Variants in SLC6A14 observed in about 807,000 individuals in gnomAD.
SLC6A14 encodes sodium- and chloride-dependent neutral and basic amino acid transporter B(0+).
A neutral mutation model predicts 51.4 loss-of-function variants in SLC6A14; 21 were observed. The ratio of observed to expected loss-of-function variants is 0.41; its 90% CI spans 0.29 to 0.59. The LOEUF (loss-of-function observed/expected upper bound fraction) is 0.59, where lower values mean the gene tolerates loss of function less well. Ranked by LOEUF, SLC6A14 falls within the 20% of genes least tolerant of loss-of-function variation. The pLI is 0.31. For missense variants in SLC6A14, 371 were observed against 472.8 expected (o/e 0.78, Z 2.00); for synonymous variants, 177 against 160.7 (o/e 1.10, Z -0.77).
chrX:116,443,521 C>T, intron 4 of SLC6A14, 122 bp from the exon 5 acceptor site: 1 of 468,396 alleles, frequency 2.1e-6, no homozygotes, highest in Non-Finnish European at 3.4e-6. Flanking sequence ...GATTTCTACT[C>T]CACTTTTTTC....
intron 4 of SLC6A14, among the ~76,000 whole-genome samples, 196 bp from the exon 5 acceptor site, chrX:116,443,447 T>A (rs1602511205): frequency 1.8e-5 from 2 of 111,634 alleles, no homozygotes; most frequent in African/African-American, 6.5e-5. Flanking sequence ...AGTTTTGTAA[T>A]CCCTCCTAGT....
Position 116,459,024 on chromosome X carries a change from T to C in SLC6A14, c.*69T>C, listed in dbSNP as rs1927990572. On this transcript the variant is annotated 3_prime_UTR_variant, in exon 14 of 14. Coordinates refer to ENST00000598581, the MANE Select transcript of SLC6A14 (RefSeq NM_007231.5). The stretch of plus-strand genomic sequence containing the variant: ...TTAGAATAGGGGGAACCTTATTTAT[T>C]TGTGTGTTAACTGAATAGGAAAATG... 2 of 919,609 alleles carry C rather than the reference T, an allele frequency of 2.2e-6. No homozygotes were observed. Among genetic ancestry groups the C allele is most frequent in the South Asian group, 5.4e-5 (2 of 36,963 alleles). 75.8% of individuals were successfully genotyped at this position (919,609 alleles called of 1,213,427 possible).
At chrX:116,452,747 A>G (rs1299637993) in intron 8 of SLC6A14, among the ~76,000 whole-genome samples, 2 of 111,888 alleles carry the variant, frequency 1.8e-5, no homozygotes, top group Non-Finnish European at 3.8e-5. Context: ...TAAAACTATT[A>G]AAAGAATTAA....
intron 3 of SLC6A14, 51 bp from the exon 4 acceptor site, chrX:116,442,636 G>T (rs1271837509): frequency 1.4e-5 from 14 of 992,315 alleles, no homozygotes; most frequent in Non-Finnish European, 1.9e-5. Flanking sequence ...AATTAGCAAA[G>T]TAAATTTTAC....
At chrX:116,457,560 C>G (rs1485223752) in intron 12 of SLC6A14, 49 bp from the exon 13 acceptor site, 1 of 1,053,957 alleles carries the variant, frequency 9.5e-7, no homozygotes, top group Admixed American at 2.3e-5. Context: ...ATCATCAGTG[C>G]AATAAAGTCT....
chrX:116,446,217 T>A (rs782659981), intron 6 of SLC6A14, among the ~76,000 whole-genome samples: 79 of 109,025 alleles, frequency 7.2e-4, no homozygotes, highest in Middle Eastern at 4.7e-3. Flanking sequence ...CTTGTATGTA[T>A]GCTATCAAAC....
Position 116,446,791 on chromosome X carries a change from A to T in SLC6A14, c.840A>T (p.Leu280Phe). 8.3e-7 allele frequency: 1 copy of T among 1,201,447 alleles called. No individual in the cohort carries two copies. Among genetic ancestry groups the T allele is most frequent in the Non-Finnish European group, 1.1e-6 (1 of 886,384 alleles). ...LFPYVVLLIL[L>F]VRGATLEGAS... ...CCTATGTGGTCCTACTCATCCTGTTAGTACGAGGTGCAACTCTGGAGGGTG... is the reference window on the plus strand; with the variant it reads ...CCTATGTGGTCCTACTCATCCTGTTTGTACGAGGTGCAACTCTGGAGGGTG... Residue 280 changes from leucine (L) to phenylalanine (F), a missense_variant, in exon 7 of 14, where the codon TTA (leucine) becomes TTT (phenylalanine). Leu to Phe is a conservative substitution (Grantham distance 22). Around this residue, in one of 2 missense-constraint regions of SLC6A14, gnomAD observed 277 missense variants for 391.8 expected, o/e 0.71. Transcript: ENST00000598581.
intron 11 of SLC6A14, 55 bp from the exon 12 acceptor site, chrX:116,455,302 T>C (rs1297891331): frequency 1.0e-5 from 10 of 960,728 alleles, no homozygotes; most frequent in Non-Finnish European, 1.3e-5. Flanking sequence ...GATGCCATAA[T>C]GGTTACTGGA....
At chrX:116,439,879 T>A (rs1272734134) in intron 2 of SLC6A14, among the ~76,000 whole-genome samples, 1 of 111,200 alleles carries the variant, frequency 9.0e-6, no homozygotes, top group African/African-American at 3.3e-5. Context: ...CACTTACCTA[T>A]GAATAAATAA....
At chrX:116,441,379 T>C (rs926464391) in intron 3 of SLC6A14, among the ~76,000 whole-genome samples, 5 of 112,372 alleles carry the variant, frequency 4.4e-5, no homozygotes, top group African/African-American at 1.6e-4. Flanking sequence ...TATTTTCCTA[T>C]TTTCACCCTG....
chrX:116,440,191 A>T (rs1210694494), intron 2 of SLC6A14, among the ~76,000 whole-genome samples: 1 of 111,738 alleles, frequency 8.9e-6, no homozygotes, highest in African/African-American at 3.2e-5. Context: ...AGTGGAAAGA[A>T]AAAAAAAGGA....
At position 116,456,152 on chromosome X, in the gene SLC6A14, A is replaced by T. The variant is rs144086839; in HGVS notation, c.1614+686A>T. ...AGCACCAAAATAAACACTACACTGG[A>T]GGGAGAATGATTATGGACTAGAAAT... On this transcript the variant is annotated intron_variant, in intron 12 of 13. Coordinates refer to ENST00000598581, the MANE Select transcript of SLC6A14 (RefSeq NM_007231.5). Among the ~76,000 whole-genome samples, 614 of 111,018 alleles carry T rather than the reference A, an allele frequency of 5.5e-3. 4 individuals are homozygous for T. Among genetic ancestry groups the T allele is most frequent in the African/African-American group, 0.019 (573 of 30,779 alleles).
rs782288223 is a variant in SLC6A14, at chrX:116,440,969, C to T, written c.218C>T (p.Ala73Val). ...PYLTYSNGGG[A>V]FLIPYAIMLA... ...GGTTCTTTCTCACCTTTTTTAGGCG[C>T]CTTCTTGATACCTTATGCAATTATG... The change falls in exon 3 of 14, where the codon GCC (alanine) becomes GTC (valine). Residue 73 changes from alanine (A) to valine (V), a missense_variant. Ala to Val is a moderately conservative substitution (Grantham distance 64, BLOSUM62 0). Coordinates refer to ENST00000598581, the MANE Select transcript of SLC6A14 (RefSeq NM_007231.5). The T allele has an allele frequency of 8.3e-7, 1 of 1,208,572 alleles. No individual in the cohort carries two copies. Among genetic ancestry groups the T allele is most frequent in the African/African-American group, 1.7e-5 (1 of 57,624 alleles).
At chrX:116,458,465 C>A (rs17242824) in intron 13 of SLC6A14, among the ~76,000 whole-genome samples, 6,434 of 111,321 alleles carry the variant, frequency 0.058, 143 homozygotes, top group South Asian at 0.085. Flanking sequence ...CGTCCTCATC[C>A]TAAGGCCAGG....
intron 11 of SLC6A14, 115 bp downstream of exon 11, chrX:116,455,191 G>A (rs2147391160): frequency 1.7e-6 from 1 of 601,884 alleles, no homozygotes; most frequent in East Asian, 3.6e-5. Flanking sequence ...TAATAGCAAA[G>A]TACAATATAC....
Position 116,458,992 on chromosome X carries a change from AT to A in SLC6A14, c.*45del, listed in dbSNP as rs782117567. 4.2e-5 allele frequency: 47 copies of A among 1,106,406 alleles called. No individual in the cohort carries two copies. Among genetic ancestry groups the A allele is most frequent in the Non-Finnish European group, 4.7e-5 (39 of 821,990 alleles). The allele number at this position is 1,106,406 out of a possible 1,213,427, so 91.2% of individuals were successfully genotyped here. A position where few individuals can be genotyped will look rare whatever the true frequency, so the allele number is the denominator to read the frequency against. ...AAAAAATATATGATTGTATAATGTG[AT>A]TTTTTTTAGAATAGGGGGAACCTTA... On this transcript the variant is annotated 3_prime_UTR_variant, in exon 14 of 14. Coordinates refer to ENST00000598581, the MANE Select transcript of SLC6A14 (RefSeq NM_007231.5).
At chrX:116,458,708 G>A (rs1195421172) in intron 13 of SLC6A14, 101 bp from the exon 14 acceptor site, 1 of 757,642 alleles carries the variant, frequency 1.3e-6, no homozygotes, top group African/African-American at 2.2e-5. Context: ...TTTGTTAGTA[G>A]AGAAAAAATA....
chrX:116,446,956 A>C, intron 7 of SLC6A14, 75 bp downstream of exon 7: 1 of 888,528 alleles, frequency 1.1e-6, no homozygotes, highest in Non-Finnish European at 1.6e-6. Context: ...CTTTGGTTCC[A>C]TATGAATATC....
Position 116,443,754 on chromosome X carries a change from A to G in SLC6A14, c.620A>G (p.Tyr207Cys). 8.3e-7 allele frequency: 1 copy of G among 1,207,885 alleles called. No homozygotes were observed. The highest frequency in any genetic ancestry group is 2.2e-5 in the Admixed American group (1 of 45,587). Residue 207 changes from tyrosine to cysteine, a missense_variant, in exon 5 of 14, where the codon TAT (tyrosine) becomes TGT (cysteine). Around this residue, in one of 2 missense-constraint regions of SLC6A14, gnomAD observed 277 missense variants for 391.8 expected, o/e 0.71. Transcript: ENST00000598581. ...NFTCINGSEIYQPGQLPSEQY... is the reference protein window; with the variant it reads ...NFTCINGSEICQPGQLPSEQY... The stretch of plus-strand genomic sequence containing the variant: ...ACCTGCATCAACGGCAGTGAAATTT[A>G]TCAGCCAGGGCAGCTTCCCAGTGAA...
Sources: allele counts gnomAD v4.1 joint callset (sites outside exome capture counted in the v4.1 genomes callset), GRCh38; gene constraint gnomAD v4.1.1; regional missense constraint gnomAD v4.1.1; transcripts MANE v1.5; gene names NCBI Gene and HGNC (gene_info 2026-07-23, HGNC 2026-07-21).